Variants in GAS7 observed in about 807,000 individuals in gnomAD.
GAS7 encodes the protein growth arrest specific 7, also known as growth arrest-specific protein 7.
In GAS7, 28 loss-of-function variants were observed where a neutral mutation model predicts 71.1. The ratio of observed to expected loss-of-function variants is 0.39; its 90% confidence interval spans 0.29 to 0.54. GAS7 has a LOEUF of 0.54. GAS7 is among the 20% of genes least tolerant of loss of function. The pLI, the probability that GAS7 is intolerant of heterozygous loss-of-function variation, is 0.62. For synonymous variants in GAS7, 258 were observed against 245.8 expected, an observed-to-expected ratio of 1.05 and a Z score of -0.46; for missense variants, 436 against 627.8, an observed-to-expected ratio of 0.69 and a Z score of 3.27.
intron 1 of GAS7, among the ~76,000 whole-genome samples, chr17:10,145,418 G>T (rs951072800): frequency 1.1e-4 from 17 of 152,232 alleles, no homozygotes; most frequent in African/African-American, 4.1e-4. Context: ...AAGACCCGAA[G>T]AGCTCTCCAG....
rs2240741 is a variant in GAS7 at position 9,943,072 on chromosome 17, G to A, written c.731+49C>T. The A allele has an allele frequency of 0.039, 49,518 of 1,256,898 alleles. 2,513 individuals carry two copies. The highest frequency in any genetic ancestry group is 0.22 in the African/African-American group (14,671 of 68,088). The allele number at this position is 1,256,898 out of a possible 1,614,324, so 77.9% of individuals were successfully genotyped here. On this transcript the variant is annotated intron_variant, in intron 7 of 13. Coordinates refer to ENST00000432992, the MANE Select transcript of GAS7 (RefSeq NM_201433.2). ...CGCCCCGCCCCGGCCACGGGGCCCCGGGGAACACTGGTGCCAGGCCCCAGG... is the reference window on the plus strand; with the variant it reads ...CGCCCCGCCCCGGCCACGGGGCCCCAGGGAACACTGGTGCCAGGCCCCAGG...
At chr17:10,173,264 T>C (rs2074348740) in intron 1 of GAS7, among the ~76,000 whole-genome samples, 1 of 152,118 alleles carries the variant, frequency 6.6e-6, no homozygotes, top group Non-Finnish European at 1.5e-5. Context: ...ATAATGGTGG[T>C]GGCTGTATAA....
chr17:9,969,812 A>G lies in GAS7; in HGVS notation c.386-50T>C. ...GATGCTGTGTGGGCCACAGATGGGC[A>G]CCCCCGCCTTTCGTCCACTGCAGCC... On this transcript the variant is annotated intron_variant, in intron 3 of 13. Transcript: ENST00000432992. This position sits in a 1 kb window ranked among gnomAD's most constrained non-coding sequence, Gnocchi z 5.5. The G allele has an allele frequency of 8.0e-7, 1 of 1,242,712 alleles. No individual in the cohort carries two copies. The highest frequency in any genetic ancestry group is 1.2e-6 in the Non-Finnish European group (1 of 843,314). 77.0% of individuals were successfully genotyped at this position (1,242,712 alleles called of 1,614,324 possible).
At chr17:10,116,562 G>A (rs2073863516) in intron 1 of GAS7, among the ~76,000 whole-genome samples, 1 of 152,142 alleles carries the variant, frequency 6.6e-6, no homozygotes, top group Non-Finnish European at 1.5e-5. Context: ...GCCGCATCCT[G>A]CCAGGGAAGT....
At chr17:10,078,966 A>T (rs554833942) in intron 1 of GAS7, among the ~76,000 whole-genome samples, 1 of 152,342 alleles carries the variant, frequency 6.6e-6, no homozygotes, top group Non-Finnish European at 1.5e-5. Flanking sequence ...AGGTGGGAAG[A>T]TCGCTTGAGC....
rs1645222553 is a variant in GAS7, at chr17:9,926,388, T to C, written c.1014+253A>G. 6.6e-6 allele frequency among the ~76,000 whole-genome samples: 1 copy of C among 152,126 alleles called. No individual in the cohort carries two copies. The highest frequency in any genetic ancestry group is 2.4e-5 in the African/African-American group (1 of 41,442). On this transcript the variant is annotated intron_variant, in intron 10 of 13. Coordinates refer to ENST00000432992, the MANE Select transcript of GAS7 (RefSeq NM_201433.2). This position sits in a 1 kb window ranked among gnomAD's most constrained non-coding sequence, Gnocchi z 5.0. ...CGCCAACAGCCACTCGACTGCCCAC[T>C]GCAGCTGCAGCCTCTCCTCGCACCC...
intron 1 of GAS7, among the ~76,000 whole-genome samples, chr17:10,140,536 T>C (rs776168812): frequency 6.6e-6 from 1 of 152,240 alleles, no homozygotes; most frequent in Non-Finnish European, 1.5e-5. Context: ...TATGTGTGTA[T>C]ATACATGTGT....
rs114582641 is a variant in GAS7, at chr17:10,101,216, A to G, written c.184-81319T>C. Among the ~76,000 whole-genome samples, 552 of 152,344 alleles carry G rather than the reference A, an allele frequency of 3.6e-3. 2 individuals are homozygous for G. The highest frequency in any genetic ancestry group is 0.013 in the African/African-American group (525 of 41,590). ...TACCCAGGGTCTCTCCCAAGGCTACAATCAAGATGTCAGCCAGGGCTGTAG... is the reference window on the plus strand; with the variant it reads ...TACCCAGGGTCTCTCCCAAGGCTACGATCAAGATGTCAGCCAGGGCTGTAG... On this transcript the variant is annotated intron_variant, in intron 1 of 13. Coordinates refer to ENST00000432992, the MANE Select transcript of GAS7 (RefSeq NM_201433.2).
intron 1 of GAS7, among the ~76,000 whole-genome samples, chr17:10,061,946 C>T (rs147194171): frequency 1.6e-4 from 24 of 152,224 alleles, no homozygotes; most frequent in African/African-American, 5.1e-4. Context: ...TGGCCAAGGA[C>T]GCTGCTAAAC....
intron 8 of GAS7, among the ~76,000 whole-genome samples, chr17:9,939,567 C>G (rs1051566290): frequency 6.6e-6 from 1 of 151,926 alleles, no homozygotes; most frequent in Non-Finnish European, 1.5e-5. Context: ...ACTTCAACAT[C>G]TGGAACGTGG....
At position 10,064,645 on chromosome 17, in the gene GAS7, C is replaced by G. The variant is rs192447775; in HGVS notation, c.184-44748G>C. Among the ~76,000 whole-genome samples the G allele has an allele frequency of 1.5e-4, 23 of 152,308 alleles. 1 individual carries two copies. In the East Asian group the frequency reaches 4.2e-3, roughly 28 times the overall value. ...GCAAGCCTGAAGCTGCTGATGGTCA[C>G]GCTGACAACTCGCAGAAGTCTCACT... On this transcript the variant is annotated intron_variant, in intron 1 of 13. Coordinates refer to ENST00000432992, the MANE Select transcript of GAS7 (RefSeq NM_201433.2).
chr17:9,988,294 C>T (rs528351741), intron 2 of GAS7, among the ~76,000 whole-genome samples: 1 of 152,346 alleles, frequency 6.6e-6, no homozygotes, highest in Admixed American at 6.5e-5. Flanking sequence ...CCTGCCACTC[C>T]GTTTCTCAGC....
chr17:10,046,785 A>AAAGGAAGGAAGGAAGGAAGGAAGGAAGG (rs57271954), intron 1 of GAS7, among the ~76,000 whole-genome samples: 5 of 68,834 alleles, frequency 7.3e-5, no homozygotes. Context: ...AGAAAGAAAG[A>AAAGGAAGGAAGGAAGGAAGGAAGGAAGG]AAGGAAGGAA....
intron 1 of GAS7, among the ~76,000 whole-genome samples, chr17:10,113,001 G>A (rs910447529): frequency 6.6e-6 from 1 of 152,064 alleles, no homozygotes; most frequent in Admixed American, 6.6e-5. Context: ...TCCACCCAAC[G>A]ATCTGCAAGA....
In GAS7 at chr17:9,926,811, C is replaced by A; in HGVS notation, c.886-42G>T. 2 of 1,611,976 alleles carry A rather than the reference C, an allele frequency of 1.2e-6. No homozygotes were observed. Among genetic ancestry groups the A allele is most frequent in the Non-Finnish European group, 1.7e-6 (2 of 1,178,220 alleles). On this transcript the variant is annotated intron_variant, in intron 9 of 13. Transcript: ENST00000432992. This position sits in a 1 kb window ranked among gnomAD's most constrained non-coding sequence, Gnocchi z 5.0. ...GACGCACACTCAGGACCCAGGGCAT[C>A]AGCTGTAAGCCAGTGCAGGGAGGAG...
intron 1 of GAS7, among the ~76,000 whole-genome samples, chr17:10,093,225 T>C (rs2073603116): frequency 6.6e-6 from 1 of 152,198 alleles, no homozygotes; most frequent in Non-Finnish European, 1.5e-5. Flanking sequence ...AAGGAAGCTG[T>C]TGCTTCTATG....
At chr17:9,927,290 T>TACACACACACACACACACACACACAC (rs371084335) in intron 9 of GAS7, among the ~76,000 whole-genome samples, 1 of 116,890 alleles carries the variant, frequency 8.6e-6, no homozygotes. Context: ...CTCTACTACA[T>TACACACACACACACACACACACACAC]ACACACACAC....
chr17:9,918,673 A>G (rs2067680340), intron 12 of GAS7, among the ~76,000 whole-genome samples: 1 of 152,182 alleles, frequency 6.6e-6, no homozygotes, highest in African/African-American at 2.4e-5. Flanking sequence ...TGTGGCCGCA[A>G]TAGAGACCGG....
intron 12 of GAS7, among the ~76,000 whole-genome samples, chr17:9,918,917 G>C (rs1302274723): frequency 6.6e-6 from 1 of 152,122 alleles, no homozygotes; most frequent in Non-Finnish European, 1.5e-5. Context: ...CCCTGGTGGA[G>C]GCCTCTAATC....
Sources: gnomAD v4.1 joint callset for allele counts (sites outside exome capture counted in the v4.1 genomes callset) on GRCh38, gnomAD v4.1.1 for gene constraint, Gnocchi (gnomAD v3.1) non-coding constraint, MANE v1.5 for transcripts, NCBI Gene and HGNC (gene_info 2026-07-23, HGNC 2026-07-21) for gene names.